LMAN1: variants seen among roughly 807,000 people sequenced by gnomAD.
LMAN1 encodes protein ERGIC-53.
Under a neutral mutation model 67.8 loss-of-function variants are expected in LMAN1, and 32 were observed. The ratio of observed to expected loss-of-function variants is 0.47; its 90% CI spans 0.36 to 0.63. The LOEUF is 0.63. Among genes scored for constraint, LMAN1 ranks in the 30% least tolerant of loss-of-function variants. LMAN1 has a pLI of 0.00. For missense variants in LMAN1, 632 were observed against 628.2 expected (o/e 1.01, Z -0.06); for synonymous variants, 235 against 219.3 (o/e 1.07, Z -0.63).
chr18:59,347,516 C>A lies in LMAN1; in HGVS notation c.819G>T (p.Glu273Asp). 6.2e-7 allele frequency: 1 copy of A among 1,608,316 alleles called. No homozygotes were observed. Among genetic ancestry groups the A allele is most frequent in the Admixed American group, 1.7e-5 (1 of 59,780 alleles). The change falls in exon 7 of 13, where the codon GAG becomes GAT. Residue 273 changes from glutamate (E) to aspartate (D), a missense_variant. Coordinates refer to ENST00000251047, the MANE Select transcript of LMAN1 (RefSeq NM_005570.4). ...LTFQLTEPGKEPPTPDKEISE... is the reference protein window; with the variant it reads ...LTFQLTEPGKDPPTPDKEISE... The stretch of plus-strand genomic sequence containing the variant: ...TTGAAAATATGTGTAAAATTACCGG[C>A]TCTTTTCCAGGTTCAGTCAACTGGA...
chr18:59,344,832 T>C (rs1908364452), intron 8 of LMAN1, among the ~76,000 whole-genome samples: 4 of 152,202 alleles, frequency 2.6e-5, no homozygotes, highest in Non-Finnish European at 1.5e-5. Flanking sequence ...AAAATATTTC[T>C]CTTTCATTAC....
chr18:59,338,083 G>A (rs1321646607), intron 10 of LMAN1, among the ~76,000 whole-genome samples: 1 of 152,162 alleles, frequency 6.6e-6, no homozygotes, highest in Non-Finnish European at 1.5e-5. Flanking sequence ...GTCTCTCTGA[G>A]AGTAAAAGAT....
At chr18:59,354,829 T>C (rs1288438146) in intron 3 of LMAN1, among the ~76,000 whole-genome samples, 1 of 152,200 alleles carries the variant, frequency 6.6e-6, no homozygotes, top group African/African-American at 2.4e-5. Flanking sequence ...CAAGCTAATG[T>C]TTCCAATTTG....
chr18:59,328,188 G>A lies in LMAN1; in HGVS notation c.*2905C>T, dbSNP rs1196988106. On this transcript the variant is annotated 3_prime_UTR_variant, in exon 13 of 13. Coordinates refer to ENST00000251047, the MANE Select transcript of LMAN1 (RefSeq NM_005570.4). ...AAAAATTGTATCTCTGCAATGCAGT[G>A]AGGCAGGCAATCCCTTGTTCAAGTC... 1.3e-5 allele frequency: 2 copies of A among 152,194 alleles called. No homozygotes were observed. Among genetic ancestry groups the A allele is most frequent in the South Asian group, 2.1e-4 (1 of 4,830 alleles). 9.4% of individuals were successfully genotyped at this position (152,194 alleles called of 1,614,324 possible).
chr18:59,355,783 T>C, intron 1 of LMAN1, 125 bp from the exon 2 acceptor site: 1 of 1,082,624 alleles, frequency 9.2e-7, no homozygotes, highest in Non-Finnish European at 1.4e-6. Context: ...TTGGAAAAAA[T>C]TTCATGTTGA....
intron 6 of LMAN1, 45 bp downstream of exon 6, chr18:59,349,068 A>T: frequency 6.2e-7 from 1 of 1,611,540 alleles, no homozygotes; most frequent in Non-Finnish European, 8.5e-7. Context: ...TTCCCAATAA[A>T]ACACACCTCA....
At chr18:59,343,278 T>C (rs1908329034) in intron 8 of LMAN1, among the ~76,000 whole-genome samples, 1 of 151,818 alleles carries the variant, frequency 6.6e-6, no homozygotes, top group Non-Finnish European at 1.5e-5. Context: ...ATGTCATTTT[T>C]CACAGAATTA....
intron 11 of LMAN1, among the ~76,000 whole-genome samples, chr18:59,332,375 A>C (rs1283474564): frequency 2.0e-5 from 3 of 152,168 alleles, no homozygotes; most frequent in Non-Finnish European, 4.4e-5. Flanking sequence ...TATATACAGG[A>C]ATATAGTTAA....
chr18:59,348,892 A>G (rs1409346186), intron 6 of LMAN1, among the ~76,000 whole-genome samples: 1 of 152,216 alleles, frequency 6.6e-6, no homozygotes, highest in East Asian at 1.9e-4. Flanking sequence ...GCTGTAATTG[A>G]CACACTTGTA....
intron 5 of LMAN1, chr18:59,352,764 T>C (rs942594704): frequency 9.5e-6 from 2 of 210,330 alleles, no homozygotes; most frequent in African/African-American, 2.3e-5. Context: ...ACAGGACCGC[T>C]TGATAGTGTC....
chr18:59,349,707 G>T (rs562987742), intron 5 of LMAN1, among the ~76,000 whole-genome samples: 3 of 152,154 alleles, frequency 2.0e-5, no homozygotes, highest in African/African-American at 7.2e-5. Context: ...ACTGTCACAG[G>T]TTAGCAGAGA....
chr18:59,358,937 G>C, intron 1 of LMAN1, 94 bp downstream of exon 1: 6 of 1,277,960 alleles, frequency 4.7e-6, no homozygotes, highest in East Asian at 2.3e-5. Flanking sequence ...GCTGGAACGG[G>C]AACCTCAGCA....
intron 5 of LMAN1, chr18:59,352,989 AT>A (rs1316001812): frequency 1.9e-6 from 1 of 528,012 alleles, no homozygotes; most frequent in African/African-American, 1.9e-5. Context: ...GGGCTTAAAC[AT>A]TTACTGACTA....
chr18:59,338,954 C>CG lies in LMAN1; in HGVS notation c.956-2_956-1insC. The CG allele has an allele frequency of 6.2e-6, 10 of 1,610,618 alleles. No individual in the cohort carries two copies. Among genetic ancestry groups the CG allele is most frequent in the Non-Finnish European group, 8.5e-6 (10 of 1,179,046 alleles). ...CCTACACTCTCAAATATTTCCTCCG[C>CG]TGAAAAGGAAATAAATAAAAATGAT... On this transcript the variant is annotated splice_acceptor_variant, in intron 8 of 12. Transcript: ENST00000251047. LOFTEE classifies it high-confidence loss of function.
At position 59,346,092 on chromosome 18, in the gene LMAN1, G is replaced by A. The variant is rs1393546568; in HGVS notation, c.823-41C>T. ...TTGGAATAGATCATTAAAAAGATAA[G>A]AAAATCATTAAGATATCTCTATACA... is the stretch of plus-strand genomic sequence containing the variant. On this transcript the variant is annotated intron_variant, in intron 7 of 12. Coordinates refer to ENST00000251047, the MANE Select transcript of LMAN1 (RefSeq NM_005570.4). 2.0e-6 allele frequency: 3 copies of A among 1,500,814 alleles called. No individual in the cohort carries two copies. In the South Asian group the frequency reaches 3.6e-5, roughly 18 times the overall value. The allele number at this position is 1,500,814 out of a possible 1,614,324, so 93.0% of individuals were successfully genotyped here.
At chr18:59,333,738 A>G (rs1463958036) in intron 10 of LMAN1, 1 of 152,314 alleles carries the variant, frequency 6.6e-6, no homozygotes, top group Non-Finnish European at 1.5e-5. Flanking sequence ...AGGGGTCACA[A>G]TTCTGATTTC....
At chr18:59,338,722 G>A (rs1040811142) in intron 9 of LMAN1, 38 bp downstream of exon 9, 3 of 1,611,020 alleles carry the variant, frequency 1.9e-6, no homozygotes, top group Non-Finnish European at 2.5e-6. Context: ...TTCCAGCAAA[G>A]GGTAAATGGG....
intron 1 of LMAN1, 59 bp from the exon 2 acceptor site, chr18:59,355,717 C>A: frequency 6.4e-7 from 1 of 1,551,754 alleles, no homozygotes; most frequent in South Asian, 1.1e-5. Context: ...ACTCAATGAT[C>A]ATTTCCAAAC....
At chr18:59,337,214 T>C (rs888518102) in intron 10 of LMAN1, among the ~76,000 whole-genome samples, 39 of 150,090 alleles carry the variant, frequency 2.6e-4, no homozygotes, top group Non-Finnish European at 4.4e-4. Flanking sequence ...TATCTTCTTA[T>C]CAAAATGTGG....
Sources: allele counts gnomAD v4.1 joint callset (sites outside exome capture counted in the v4.1 genomes callset), GRCh38; gene constraint gnomAD v4.1.1; transcripts MANE v1.5; gene names NCBI Gene and HGNC (gene_info 2026-07-23, HGNC 2026-07-21).